Variants in PTPN23 observed in about 807,000 individuals in gnomAD.
PTPN23 encodes protein tyrosine phosphatase non-receptor type 23.
Under a neutral mutation model 156.3 loss-of-function variants are expected in PTPN23, and 72 were observed. That is an observed-to-expected ratio of 0.46 (90% CI 0.38 to 0.56). PTPN23 has a LOEUF of 0.56. PTPN23 is among the 20% of genes least tolerant of loss of function. PTPN23 has a pLI of 0.00. For missense variants in PTPN23, 1,974 were observed against 2,171.5 expected, an observed-to-expected ratio of 0.91 and a Z score of 1.81; for synonymous variants, 957 against 899.6, an observed-to-expected ratio of 1.06 and a Z score of -1.14.
intron 19 of PTPN23, 36 bp downstream of exon 19, chr3:47,409,870 T>A (rs763398632): frequency 4.4e-5 from 70 of 1,595,352 alleles, no homozygotes; most frequent in Non-Finnish European, 5.6e-5. Context: ...GCGGCTCGGG[T>A]CCAGACAGGC....
chr3:47,406,629 CCAGGGCGGGG>C lies in PTPN23; in HGVS notation c.759+29_759+38del, dbSNP rs750111575. Reference sequence around the variant, plus strand: ...GTGGCTCATGTGAGGGCCTGGGGCCCCAGGGCGGGGCAGGGCGGGGCTGAGTGGCCACAGC... The same window carrying C: ...GTGGCTCATGTGAGGGCCTGGGGCCCCAGGGCGGGGCTGAGTGGCCACAGC... On this transcript the variant is annotated intron_variant, in intron 8 of 24. Transcript: ENST00000265562. This position sits in a 1 kb window ranked among gnomAD's most constrained non-coding sequence, Gnocchi z 5.8. 1 of 1,613,848 alleles carries C rather than the reference CCAGGGCGGGG, an allele frequency of 6.2e-7. No homozygotes were observed. The highest frequency in any genetic ancestry group is 8.5e-7 in the Non-Finnish European group (1 of 1,179,972).
In PTPN23 at chr3:47,412,640, C is replaced by G. The variant is rs776160971; in HGVS notation, c.4431+13C>G. The G allele has an allele frequency of 1.2e-6, 2 of 1,610,246 alleles. No individual in the cohort carries two copies. The highest frequency in any genetic ancestry group is 2.7e-5 in the African/African-American group (2 of 74,856). On this transcript the variant is annotated intron_variant, in intron 24 of 24. Coordinates refer to ENST00000265562, the MANE Select transcript of PTPN23 (RefSeq NM_015466.4). ...CATCAGCCAGAAGGTGAGGAAGGTTCCGTGGAAGCTGCTGGGAGAGCCACA... is the reference window on the plus strand; with the variant it reads ...CATCAGCCAGAAGGTGAGGAAGGTTGCGTGGAAGCTGCTGGGAGAGCCACA...
chr3:47,405,661 T>G lies in PTPN23; in HGVS notation c.365-88T>G. 2 of 1,337,838 alleles carry G rather than the reference T, an allele frequency of 1.5e-6. No homozygotes were observed. Among genetic ancestry groups the G allele is most frequent in the Non-Finnish European group, 2.1e-6 (2 of 956,896 alleles). The allele number at this position is 1,337,838 out of a possible 1,614,324, so 82.9% of individuals were successfully genotyped here. ...GGTTCTCAGAGCCATGTTGTCCTGA[T>G]TGTGGATAACAGCAGTGCCCCCTCT... On this transcript the variant is annotated intron_variant, in intron 4 of 24. Coordinates refer to ENST00000265562, the MANE Select transcript of PTPN23 (RefSeq NM_015466.4). This position sits in a 1 kb window ranked among gnomAD's most constrained non-coding sequence, Gnocchi z 4.7.
rs576545603 is a variant in PTPN23, at chr3:47,413,003, C to T, written c.4729C>T (p.Leu1577=). 2.5e-6 allele frequency: 4 copies of T among 1,612,620 alleles called. No individual in the cohort carries two copies. In the East Asian group the frequency reaches 6.7e-5, roughly 27 times the overall value. Residue 1577 remains leucine (L), a synonymous_variant, in exon 25 of 25, where the codon CTG becomes TTG. Transcript: ENST00000265562. Reference sequence around the variant, plus strand: ...CAGCTCGGGGCCCCCCTCCTCCTCCCTGGAATTGCTGGCCTCCTTGACCCC... The same window carrying T: ...CAGCTCGGGGCCCCCCTCCTCCTCCTTGGAATTGCTGGCCTCCTTGACCCC... The part of the protein sequence containing the change: ...APSSGPPSSS[L]ELLASLTPEA...
chr3:47,408,798 T>C lies in PTPN23; in HGVS notation c.1353T>C (p.Asp451=), dbSNP rs772881805. 6.2e-7 allele frequency: 1 copy of C among 1,604,524 alleles called. No individual in the cohort carries two copies. Among genetic ancestry groups the C allele is most frequent in the Non-Finnish European group, 8.5e-7 (1 of 1,174,784 alleles). ...SMQVLSGVFT[D]VEASLKDIRD... ...CAGTGCTGTCAGGTGTGTTCACGGA[T>C]GTGGAGGCTTCCCTGAAGGACATCA... Residue 451 remains aspartate, a synonymous_variant, in exon 16 of 25, where the codon GAT becomes GAC. Coordinates refer to ENST00000265562, the MANE Select transcript of PTPN23 (RefSeq NM_015466.4).
In PTPN23 at chr3:47,396,164, G is replaced by A. The variant is rs776157044; in HGVS notation, c.106G>A (p.Glu36Lys). Reference sequence around the variant, plus strand: ...GTAGTTTGTCCTGAAGAATTATGGAGAGAACCCAGAAGCCTACAATGAAGA... The same window carrying A: ...GTAGTTTGTCCTGAAGAATTATGGAAAGAACCCAGAAGCCTACAATGAAGA... ...VKKFVLKNYG[E>K]NPEAYNEELK... Residue 36 changes from glutamate (E) to lysine (K), a missense_variant, in exon 2 of 25, where the codon GAG (glutamate) becomes AAG (lysine). This residue lies in a region of PTPN23 where 726 missense variants were observed against 929.5 expected (regional missense o/e 0.78). Coordinates refer to ENST00000265562, the MANE Select transcript of PTPN23 (RefSeq NM_015466.4). The A allele has an allele frequency of 6.2e-7, 1 of 1,613,132 alleles. No individual in the cohort carries two copies. The highest frequency in any genetic ancestry group is 8.5e-7 in the Non-Finnish European group (1 of 1,179,314).
At position 47,411,740 on chromosome 3, in the gene PTPN23, G is replaced by T; in HGVS notation, c.3889-43G>T. 6.3e-7 allele frequency: 1 copy of T among 1,592,600 alleles called. No homozygotes were observed. The highest frequency in any genetic ancestry group is 2.2e-5 in the East Asian group (1 of 44,474). ...GGCAGTGTGGGGTGGCAGGGCAGGG[G>T]ATCCTGGAAAACCAGGTCTGTCTTG... On this transcript the variant is annotated intron_variant, in intron 20 of 24. Transcript: ENST00000265562. This position sits in a 1 kb window ranked among gnomAD's most constrained non-coding sequence, Gnocchi z 6.3.
In PTPN23 at chr3:47,410,911, G is replaced by A; in HGVS notation, c.3113G>A (p.Ser1038Asn). The change falls in exon 20 of 25, where the codon AGC becomes AAC. Residue 1038 changes from serine (S) to asparagine (N), a missense_variant. Physicochemically the swap from Ser to Asn is conservative, Grantham distance 46 (BLOSUM62 1). Transcript: ENST00000265562. ...PAHSGALPFP[S>N]PGPPQPPHPP... ...CACTCAGGGGCTCTGCCTTTCCCCAGCCCTGGGCCCCCTCAGCCTCCCCAT... is the reference window on the plus strand; with the variant it reads ...CACTCAGGGGCTCTGCCTTTCCCCAACCCTGGGCCCCCTCAGCCTCCCCAT... The A allele has an allele frequency of 1.2e-6, 2 of 1,608,338 alleles. No individual in the cohort carries two copies. Among genetic ancestry groups the A allele is most frequent in the Admixed American group, 1.7e-5 (1 of 59,490 alleles).
rs755231318 is a variant in PTPN23 at position 47,411,614 on chromosome 3, C to G, written c.3816C>G (p.Asp1272Glu). ...CCCCACTGCCTGGCACAGCTGCTGA[C>G]TTCTGGCTCATGGTCCATGAGCAGA... The part of the protein sequence containing the change: ...TQAPLPGTAA[D>E]FWLMVHEQKV... Residue 1272 changes from aspartate to glutamate, a missense_variant, in exon 20 of 25, where the codon GAC (aspartate) becomes GAG (glutamate). Physicochemically the swap from Asp to Glu is conservative, Grantham distance 45. Coordinates refer to ENST00000265562, the MANE Select transcript of PTPN23 (RefSeq NM_015466.4). The surrounding 1 kb of genome is among the most constrained non-coding windows in gnomAD (Gnocchi z 6.3). 8 of 1,612,052 alleles carry G rather than the reference C, an allele frequency of 5.0e-6. No individual in the cohort carries two copies. The highest frequency in any genetic ancestry group is 6.8e-6 in the Non-Finnish European group (8 of 1,179,836).
chr3:47,408,236 C>T (rs1264278926), intron 14 of PTPN23, 109 bp from the exon 15 acceptor site: 2 of 1,471,004 alleles, frequency 1.4e-6, no homozygotes, highest in African/African-American at 1.4e-5. Flanking sequence ...ACAATTTGCT[C>T]TCTGCTGAGA....
rs763130796 is a variant in PTPN23, at chr3:47,411,097, G to A, written c.3299G>A (p.Arg1100His). 4.3e-5 allele frequency: 69 copies of A among 1,600,214 alleles called. No individual in the cohort carries two copies. Among genetic ancestry groups the A allele is most frequent in the African/African-American group, 8.1e-5 (6 of 74,438 alleles). ...PSPGPGPVPPRPPAAEPPPCL... is the reference protein window; with the variant it reads ...PSPGPGPVPPHPPAAEPPPCL... Reference sequence around the variant, plus strand: ...CCAGGGCCTGGTCCGGTACCCCCTCGCCCCCCAGCAGCAGAACCACCCCCT... The same window carrying A: ...CCAGGGCCTGGTCCGGTACCCCCTCACCCCCCAGCAGCAGAACCACCCCCT... Residue 1100 changes from arginine to histidine, a missense_variant, in exon 20 of 25, where the codon CGC becomes CAC. By Grantham distance (29) the Arg-to-His change is conservative. Transcript: ENST00000265562. The surrounding 1 kb of genome is among the most constrained non-coding windows in gnomAD (Gnocchi z 6.3).
At position 47,405,351 on chromosome 3, in the gene PTPN23, CTTT is replaced by C. The variant is rs1705097346; in HGVS notation, c.364+271_364+273del. 1.8e-6 allele frequency: 1 copy of C among 551,226 alleles called. No homozygotes were observed. The highest frequency in any genetic ancestry group is 2.1e-5 in the South Asian group (1 of 46,800). 34.1% of individuals were successfully genotyped at this position (551,226 alleles called of 1,614,324 possible). On this transcript the variant is annotated intron_variant, in intron 4 of 24. Transcript: ENST00000265562. The surrounding 1 kb of genome is among the most constrained non-coding windows in gnomAD (Gnocchi z 4.7). ...CTGTCTGGGAGAGAGGGCCTTTCTT[CTTT>C]GACTGGACAGCCCCTCCCCACTGTG...
At chr3:47,386,124 C>T (rs1345623173) in intron 1 of PTPN23, among the ~76,000 whole-genome samples, 1 of 152,162 alleles carries the variant, frequency 6.6e-6, no homozygotes, top group Non-Finnish European at 1.5e-5. Context: ...GTCTTGCTGT[C>T]CACCACTGGG....
At chr3:47,398,628 C>T (rs544286363) in intron 2 of PTPN23, among the ~76,000 whole-genome samples, 4 of 151,412 alleles carry the variant, frequency 2.6e-5, no homozygotes, top group Admixed American at 6.6e-5. Flanking sequence ...TGCAGTGGCA[C>T]AATCACGGCT....
chr3:47,406,928 C>T lies in PTPN23; in HGVS notation c.807+178C>T, dbSNP rs1191730811. The stretch of plus-strand genomic sequence containing the variant: ...CTGTGCAGCCCTCGTCCCTCGGGGT[C>T]TGAGGAGGTGGGGCAGGCTCCCTAC... On this transcript the variant is annotated intron_variant, in intron 9 of 24. Transcript: ENST00000265562. The surrounding 1 kb of genome is among the most constrained non-coding windows in gnomAD (Gnocchi z 5.8). 6.6e-6 allele frequency among the ~76,000 whole-genome samples: 1 copy of T among 152,138 alleles called. No individual in the cohort carries two copies. Among genetic ancestry groups the T allele is most frequent in the African/African-American group, 2.4e-5 (1 of 41,428 alleles).
At chr3:47,387,596 C>A (rs1462094925) in intron 1 of PTPN23, among the ~76,000 whole-genome samples, 4 of 149,782 alleles carry the variant, frequency 2.7e-5, no homozygotes, top group African/African-American at 9.8e-5. Flanking sequence ...AAGTTTGTTT[C>A]TTAGAGTAGC....
intron 2 of PTPN23, among the ~76,000 whole-genome samples, chr3:47,403,103 T>G (rs1285674048): frequency 6.6e-6 from 1 of 150,960 alleles, no homozygotes; most frequent in Non-Finnish European, 1.5e-5. Context: ...CAGGCTGGAG[T>G]GCAGTGGCGC....
intron 22 of PTPN23, 29 bp from the exon 23 acceptor site, chr3:47,412,254 C>G: frequency 1.2e-6 from 2 of 1,612,912 alleles, no homozygotes; most frequent in South Asian, 2.2e-5. Context: ...AGCCTCATAC[C>G]CCGGCCTCAT....
chr3:47,412,915 CCTTTCCTCCCCACTACCT>C lies in PTPN23; in HGVS notation c.4642_4659del (p.Leu1548_Pro1553del). On this transcript the variant is annotated inframe_deletion, in exon 25 of 25. Coordinates refer to ENST00000265562, the MANE Select transcript of PTPN23 (RefSeq NM_015466.4). ...CAATCCCATCTTCCTCCCCGCCCCC[CCTTTCCTCCCCACTACCT>C]GAGGCTCCCCAGCCTAAGGAGGAGC... 6.2e-7 allele frequency: 1 copy of C among 1,603,196 alleles called. No individual in the cohort carries two copies. Among genetic ancestry groups the C allele is most frequent in the Non-Finnish European group, 8.5e-7 (1 of 1,173,082 alleles).
Sources: allele counts gnomAD v4.1 joint callset (sites outside exome capture counted in the v4.1 genomes callset), GRCh38; gene constraint gnomAD v4.1.1; regional missense constraint gnomAD v4.1.1; non-coding constraint Gnocchi (gnomAD v3.1); transcripts MANE v1.5; gene names NCBI Gene and HGNC (gene_info 2026-07-23, HGNC 2026-07-21).